The following PDXK variants were observed in gnomAD, a reference collection of about 807,000 sequenced individuals.
The protein encoded by PDXK is epididymis secretory sperm binding protein Li 1a.
Under a neutral mutation model 43.2 loss-of-function variants are expected in PDXK, and 15 were observed. The observed-to-expected ratio is 0.35, with a 90% CI of 0.23 to 0.53. The LOEUF is 0.53. Among genes scored for constraint, PDXK ranks in the 20% least tolerant of loss-of-function variants. The pLI is 0.92. For synonymous variants in PDXK, 172 were observed against 165.4 expected (o/e 1.04, Z -0.31); for missense variants, 343 against 417.0 (o/e 0.82, Z 1.54).
chr21:43,723,195 C>G lies in PDXK; in HGVS notation c.87+3814C>G, dbSNP rs184251732. Among the ~76,000 whole-genome samples the G allele has an allele frequency of 1.1e-3, 161 of 150,640 alleles. No homozygotes were observed. The highest frequency in any genetic ancestry group is 1.9e-3 in the Non-Finnish European group (130 of 67,764). On this transcript the variant is annotated intron_variant, in intron 1 of 10. Coordinates refer to ENST00000291565, the MANE Select transcript of PDXK (RefSeq NM_003681.5). This position sits in a 1 kb window ranked among gnomAD's most constrained non-coding sequence, Gnocchi z 4.1. The stretch of plus-strand genomic sequence containing the variant: ...TTGAGACGAGGGTCTCACTCTGTCG[C>G]TCAGGCTGAAGTACAATGGAGCGAT...
chr21:43,731,203 T>C (rs960556363), intron 1 of PDXK, among the ~76,000 whole-genome samples: 2 of 152,218 alleles, frequency 1.3e-5, no homozygotes, highest in East Asian at 1.9e-4. Context: ...GGCAATCGCG[T>C]GGCCCAATCC....
chr21:43,725,062 G>A (rs1215332574), intron 1 of PDXK, among the ~76,000 whole-genome samples: 4 of 152,066 alleles, frequency 2.6e-5, no homozygotes, highest in Non-Finnish European at 5.9e-5. Flanking sequence ...AGTGGCTCAC[G>A]CCTGTAATCC....
rs1314354045 is a variant in PDXK at position 43,735,292 on chromosome 21, G to A, written c.142+1169G>A. Among the ~76,000 whole-genome samples, 3 of 152,176 alleles carry A rather than the reference G, an allele frequency of 2.0e-5. No individual in the cohort carries two copies. In the East Asian group the frequency reaches 5.8e-4, roughly 29 times the overall value. On this transcript the variant is annotated intron_variant, in intron 2 of 10. Transcript: ENST00000291565. This position sits in a 1 kb window ranked among gnomAD's most constrained non-coding sequence, Gnocchi z 5.3. ...TTCAGTGAGTGAGCTGGCCGGCTTG[G>A]ACACTAAAGCAGGGTGTTGAGTGTG... is the stretch of plus-strand genomic sequence containing the variant.
rs1387980168 is a variant in PDXK, at chr21:43,758,218, C to CTTGGA, written c.*2156_*2160dup. On this transcript the variant is annotated 3_prime_UTR_variant, in exon 11 of 11. Transcript: ENST00000291565. ...CTGAGTCCCCACATCAGCTTTAGTT[C>CTTGGA]TTGGACTTCCCTGTATTAAGCAAGA... The CTTGGA allele has an allele frequency of 6.5e-6, 1 of 153,722 alleles. No individual in the cohort carries two copies. The highest frequency in any genetic ancestry group is 1.9e-4 in the East Asian group (1 of 5,192). 9.5% of individuals were successfully genotyped at this position (153,722 alleles called of 1,614,324 possible).
At chr21:43,750,115 C>T (rs1275163913) in intron 6 of PDXK, among the ~76,000 whole-genome samples, 2 of 152,190 alleles carry the variant, frequency 1.3e-5, no homozygotes, top group Non-Finnish European at 1.5e-5. Context: ...GCATCTCACT[C>T]GAGGCCCCTG....
intron 1 of PDXK, among the ~76,000 whole-genome samples, chr21:43,731,954 C>A (rs1231673409): frequency 1.3e-5 from 2 of 152,354 alleles, no homozygotes; most frequent in East Asian, 3.9e-4. Flanking sequence ...AGGCAGGTGT[C>A]TGCCAGCTGG....
chr21:43,731,591 C>T (rs766242), intron 1 of PDXK, among the ~76,000 whole-genome samples: 21,302 of 152,196 alleles, frequency 0.14, 1,934 homozygotes, highest in South Asian at 0.31. Context: ...CACAGGGCAC[C>T]TGGCCTGTCT....
At chr21:43,728,987 A>C in intron 1 of PDXK, 1 of 985,632 alleles carries the variant, frequency 1.0e-6, no homozygotes, top group Non-Finnish European at 1.2e-6. Context: ...CTCTCTCGGC[A>C]GGAGACGGGG....
intron 4 of PDXK, among the ~76,000 whole-genome samples, chr21:43,745,535 G>C (rs983322016): frequency 6.6e-6 from 1 of 152,148 alleles, no homozygotes; most frequent in African/African-American, 2.4e-5. Flanking sequence ...AGAAGTTTTG[G>C]AGGTGGATGG....
intron 1 of PDXK, chr21:43,733,680 G>A: frequency 9.3e-7 from 1 of 1,071,142 alleles, no homozygotes. Context: ...CAGCCTCCCA[G>A]CCTCTGTTCA....
chr21:43,752,575 C>T lies in PDXK; in HGVS notation c.568C>T (p.Leu190=). Residue 190 remains leucine, a synonymous_variant, in exon 8 of 11, where the codon CTG becomes TTG. Coordinates refer to ENST00000291565, the MANE Select transcript of PDXK (RefSeq NM_003681.5). ...CACCGTGGTCATCACCAGCTCCGACCTGCCCTCCCCGCAGGGCAGCAACTA... is the reference window on the plus strand; with the variant it reads ...CACCGTGGTCATCACCAGCTCCGACTTGCCCTCCCCGCAGGGCAGCAACTA... ...PDTVVITSSD[L]PSPQGSNYLI... 3 of 1,613,200 alleles carry T rather than the reference C, an allele frequency of 1.9e-6. No homozygotes were observed. Among genetic ancestry groups the T allele is most frequent in the Non-Finnish European group, 1.7e-6 (2 of 1,179,928 alleles).
chr21:43,746,155 G>C (rs1331572637), intron 5 of PDXK, 30 bp downstream of exon 5: 4 of 1,569,164 alleles, frequency 2.5e-6, no homozygotes, highest in Non-Finnish European at 3.5e-6. Context: ...TGATTTAAAA[G>C]TGTGGTGAGT....
intron 1 of PDXK, chr21:43,729,026 T>C: frequency 5.1e-6 from 5 of 985,444 alleles, no homozygotes; most frequent in Non-Finnish European, 6.0e-6. Flanking sequence ...GGAGCCCCAA[T>C]ACGTCACACG....
rs2083935663 is a variant in PDXK, at chr21:43,761,754, C to T, written c.*5691C>T. The T allele has an allele frequency of 1.3e-5, 2 of 152,186 alleles. No individual in the cohort carries two copies. Among genetic ancestry groups the T allele is most frequent in the African/African-American group, 4.8e-5 (2 of 41,450 alleles). 9.4% of individuals were successfully genotyped at this position (152,186 alleles called of 1,614,324 possible). A position where few individuals can be genotyped will look rare whatever the true frequency, so the allele number is the denominator to read the frequency against. On this transcript the variant is annotated 3_prime_UTR_variant, in exon 11 of 11. Coordinates refer to ENST00000291565, the MANE Select transcript of PDXK (RefSeq NM_003681.5). Reference sequence around the variant, plus strand: ...GCAGGCCTGGAAGACCCTTCCAGTACATCCCACAGCGTGTCGAGCAGCTGG... The same window carrying T: ...GCAGGCCTGGAAGACCCTTCCAGTATATCCCACAGCGTGTCGAGCAGCTGG...
At chr21:43,745,067 C>G (rs1211799595) in intron 4 of PDXK, among the ~76,000 whole-genome samples, 9 of 152,132 alleles carry the variant, frequency 5.9e-5, no homozygotes, top group Non-Finnish European at 1.3e-4. Context: ...GCCAGTTCAT[C>G]GAGGTAGAAA....
At chr21:43,729,943 CA>C (rs1407495462) in intron 1 of PDXK, among the ~76,000 whole-genome samples, 2 of 151,048 alleles carry the variant, frequency 1.3e-5, no homozygotes, top group Non-Finnish European at 2.9e-5. Context: ...GATCCTGTCT[CA>C]AAAAAAGAAA....
At chr21:43,724,138 C>T (rs529671257) in intron 1 of PDXK, among the ~76,000 whole-genome samples, 2 of 152,294 alleles carry the variant, frequency 1.3e-5, no homozygotes, top group East Asian at 1.9e-4. Flanking sequence ...TCTCGTGGTC[C>T]GTCGGTGCGG....
chr21:43,750,760 T>C (rs116075190), intron 7 of PDXK, among the ~76,000 whole-genome samples: 11 of 140,676 alleles, frequency 7.8e-5, no homozygotes, highest in African/African-American at 2.7e-4. Flanking sequence ...CATGTGTGCG[T>C]GTGTGCGCGC....
Position 43,737,035 on chromosome 21 carries a change from C to G in PDXK, c.142+2912C>G. 1.4e-6 allele frequency: 1 copy of G among 719,202 alleles called. No homozygotes were observed. 44.6% of individuals were successfully genotyped at this position (719,202 alleles called of 1,614,324 possible). A position where few individuals can be genotyped will look rare whatever the true frequency, so the allele number is the denominator to read the frequency against. On this transcript the variant is annotated intron_variant, in intron 2 of 10. Transcript: ENST00000291565. The surrounding 1 kb of genome is among the most constrained non-coding windows in gnomAD (Gnocchi z 4.8). ...GCAGCCTTGACCTCCTGGGCTGAAG[C>G]AATCTTTCTGCCTCCACCTCCCGAG...
Sources: gnomAD v4.1 joint callset for allele counts (sites outside exome capture counted in the v4.1 genomes callset) on GRCh38, gnomAD v4.1.1 for gene constraint, Gnocchi (gnomAD v3.1) non-coding constraint, MANE v1.5 for transcripts, NCBI Gene and HGNC (gene_info 2026-07-23, HGNC 2026-07-21) for gene names.